PCDH7: variants seen among roughly 807,000 people sequenced by gnomAD.
PCDH7 encodes protocadherin 7, also known as protocadherin-7.
Under a neutral mutation model 58.9 loss-of-function variants are expected in PCDH7, and 17 were observed. That is an observed-to-expected ratio of 0.29 (90% CI 0.20 to 0.43). The LOEUF (loss-of-function observed/expected upper bound fraction) is 0.43, where lower values mean the gene tolerates loss of function less well. PCDH7 is among the 20% of genes least tolerant of loss of function. The pLI is 1.00. For missense variants in PCDH7, 1,274 were observed against 1,441.0 expected, an observed-to-expected ratio of 0.88 and a Z score of 1.88; for synonymous variants, 664 against 616.4, an observed-to-expected ratio of 1.08 and a Z score of -1.14.
intron 3 of PCDH7, among the ~76,000 whole-genome samples, chr4:30,969,169 A>G (rs138131115): frequency 6.6e-6 from 1 of 152,254 alleles, no homozygotes; most frequent in East Asian, 1.9e-4. Flanking sequence ...TTTGCAGCCA[A>G]CGTCCATCCT....
chr4:30,751,171 T>C (rs531701906), intron 1 of PCDH7, among the ~76,000 whole-genome samples: 1 of 152,234 alleles, frequency 6.6e-6, no homozygotes, highest in Non-Finnish European at 1.5e-5. Context: ...AATTAAAAAC[T>C]ACTTCCAACT....
At chr4:30,973,704 A>AT (rs896637697) in intron 3 of PCDH7, among the ~76,000 whole-genome samples, 65 of 149,544 alleles carry the variant, frequency 4.3e-4, no homozygotes, top group Non-Finnish European at 7.5e-4. Flanking sequence ...ACAGTCTCCA[A>AT]TTTTTTTTTT....
intron 1 of PCDH7, among the ~76,000 whole-genome samples, chr4:30,782,249 A>G (rs1392580844): frequency 6.6e-6 from 1 of 152,204 alleles, no homozygotes; most frequent in Non-Finnish European, 1.5e-5. Flanking sequence ...GGAGATATCT[A>G]CAATGATAAC....
chr4:30,735,554 G>A (rs747927033), downstream of PCDH7, among the ~76,000 whole-genome samples: 1 of 152,136 alleles, frequency 6.6e-6, no homozygotes, highest in Admixed American at 6.5e-5. Flanking sequence ...ACTTTAGCTC[G>A]CCAGGGTGTA....
intron 3 of PCDH7, among the ~76,000 whole-genome samples, chr4:31,041,798 T>A (rs1056132583): frequency 6.7e-6 from 1 of 150,262 alleles, no homozygotes; most frequent in Non-Finnish European, 1.5e-5. Context: ...GCTTGGGCTA[T>A]TTTTTAAAAA....
intron 3 of PCDH7, among the ~76,000 whole-genome samples, chr4:31,106,298 T>C (rs948957244): frequency 6.6e-6 from 1 of 152,142 alleles, no homozygotes; most frequent in Non-Finnish European, 1.5e-5. Context: ...GCAGAAATGG[T>C]CAGCCTTTAT....
chr4:30,754,073 G>T (rs548027070), intron 1 of PCDH7, among the ~76,000 whole-genome samples: 2 of 152,052 alleles, frequency 1.3e-5, no homozygotes, highest in South Asian at 4.2e-4. Flanking sequence ...TTGTAGTCAG[G>T]TTGGGCGGTA....
chr4:30,891,323 T>G (rs908027422), intron 1 of PCDH7, among the ~76,000 whole-genome samples: 4 of 152,250 alleles, frequency 2.6e-5, no homozygotes, highest in Admixed American at 6.5e-5. Context: ...TTAAATGGAC[T>G]GAAAGTGTTG....
intron 3 of PCDH7, among the ~76,000 whole-genome samples, chr4:31,047,430 T>C (rs9990809): frequency 0.63 from 96,137 of 151,890 alleles, 32,933 homozygotes; most frequent in African/African-American, 0.9. Flanking sequence ...TGTACAGCTG[T>C]ATCTTTTGGA....
At chr4:30,833,971 TAAG>T (rs1173635338) in intron 1 of PCDH7, among the ~76,000 whole-genome samples, 1 of 152,230 alleles carries the variant, frequency 6.6e-6, no homozygotes, top group African/African-American at 2.4e-5. Flanking sequence ...CCAGTGTAGC[TAAG>T]AACATTGTTG....
intron 1 of PCDH7, among the ~76,000 whole-genome samples, chr4:30,749,384 T>C (rs773064575): frequency 1.3e-5 from 2 of 152,190 alleles, no homozygotes; most frequent in East Asian, 1.9e-4. Flanking sequence ...TGCAAGTTTT[T>C]TTCTTCGTCA....
At chr4:30,724,163 C>T (rs1362533233) in exon 1 of PCDH7, 8 of 1,613,752 alleles carry the variant, frequency 5.0e-6, no homozygotes, top group African/African-American at 1.3e-5. Context: ...GGCTATGAAG[C>T]CGGCAAAAAA....
chr4:30,755,153 AG>A lies in PCDH7; in HGVS notation c.70+30558del, dbSNP rs556920461. On this transcript the variant is annotated intron_variant, in intron 1 of 3. Coordinates refer to the PCDH7 transcript ENST00000509759. ...TTAAGATTAGTCACAGACCTCACCG[AG>A]TATCTCATCATATGCGTGCCATCCT... Among the ~76,000 whole-genome samples the A allele has an allele frequency of 1.4e-4, 21 of 152,300 alleles. No homozygotes were observed. In the East Asian group the frequency reaches 3.7e-3, roughly 27 times the overall value.
At chr4:31,026,386 A>G (rs1040167394) in intron 3 of PCDH7, among the ~76,000 whole-genome samples, 2 of 152,226 alleles carry the variant, frequency 1.3e-5, no homozygotes, top group Non-Finnish European at 2.9e-5. Context: ...GGCAACAGCC[A>G]GGCTAGCAGC....
intron 1 of PCDH7, among the ~76,000 whole-genome samples, chr4:30,854,844 A>T (rs567914125): frequency 1.3e-5 from 2 of 152,048 alleles, no homozygotes; most frequent in East Asian, 3.9e-4. Flanking sequence ...ATTTCCTAGG[A>T]GTGTTCAAGA....
intron 3 of PCDH7, among the ~76,000 whole-genome samples, chr4:31,058,388 T>G (rs1315178812): frequency 6.6e-6 from 1 of 152,052 alleles, no homozygotes. Context: ...CAATATTAAT[T>G]TATTTGTTAA....
intron 3 of PCDH7, among the ~76,000 whole-genome samples, chr4:31,086,344 T>C (rs150641483): frequency 6.6e-6 from 1 of 152,226 alleles, no homozygotes; most frequent in South Asian, 2.1e-4. Context: ...CAGTCGATGA[T>C]GTCCCGCAGT....
At chr4:30,924,955 T>C (rs1743655710) in intron 2 of PCDH7, among the ~76,000 whole-genome samples, 2 of 152,026 alleles carry the variant, frequency 1.3e-5, no homozygotes, top group East Asian at 1.9e-4. Context: ...AGGTTCGAAA[T>C]TTGGCCACTC....
intron 1 of PCDH7, among the ~76,000 whole-genome samples, chr4:30,877,893 T>C (rs543351793): frequency 8.5e-5 from 13 of 152,260 alleles, no homozygotes; most frequent in African/African-American, 3.1e-4. Flanking sequence ...TTATTTGTTA[T>C]TTTTCTTAAT....
Sources: gnomAD v4.1 joint callset for allele counts (sites outside exome capture counted in the v4.1 genomes callset) on GRCh38, gnomAD v4.1.1 for gene constraint, MANE v1.5 for transcripts, NCBI Gene and HGNC (gene_info 2026-07-23, HGNC 2026-07-21) for gene names.